GSE1: variants seen among roughly 807,000 people sequenced by gnomAD.
GSE1 encodes the protein Gse1 coiled-coil protein.
In GSE1, 32 loss-of-function variants were observed where a neutral mutation model predicts 112.6. The ratio of observed to expected loss-of-function variants is 0.28; its 90% confidence interval spans 0.21 to 0.38. GSE1 has a LOEUF of 0.38. Among genes scored for constraint, GSE1 ranks in the 10% least tolerant of loss-of-function variants. The pLI, the probability that GSE1 is intolerant of heterozygous loss-of-function variation, is 1.00. For missense variants in GSE1, 2,348 were observed against 1,699.2 expected, an observed-to-expected ratio of 1.38 and a Z score of -6.71; for synonymous variants, 1,115 against 735.6, an observed-to-expected ratio of 1.52 and a Z score of -8.35.
At chr16:85,341,612 A>G (rs914262473) in intron 1 of GSE1, among the ~76,000 whole-genome samples, 1 of 152,086 alleles carries the variant, frequency 6.6e-6, no homozygotes, top group Non-Finnish European at 1.5e-5. Context: ...AGCAGAGATC[A>G]CACCACTGCA....
rs113553489 is a variant in GSE1 at position 85,409,627 on chromosome 16, G to T, written c.2464+51984G>T. Among the ~76,000 whole-genome samples the T allele has an allele frequency of 1.2e-3, 11 of 9,450 alleles. 4 individuals are homozygous for T. Among genetic ancestry groups the T allele is most frequent in the African/African-American group, 1.6e-3 (11 of 6,716 alleles). The allele number at this position is 9,450 out of a possible 152,430, so 6.2% of individuals were successfully genotyped here. On this transcript the variant is annotated intron_variant, in intron 2 of 2. Coordinates refer to the GSE1 transcript ENST00000637419. ...AGGGCCCCCCTGGATAATCCTCACC[G>T]TTACACTCAGGGCCCCCCTGGATAA...
chr16:85,258,535 A>G (rs551917337), intron 1 of GSE1, among the ~76,000 whole-genome samples: 14 of 151,992 alleles, frequency 9.2e-5, no homozygotes, highest in African/African-American at 2.7e-4. Context: ...TGCTCCTGCC[A>G]CCCCTTCCCG....
chr16:85,589,268 G>A (rs1388650535), intron 1 of GSE1, among the ~76,000 whole-genome samples: 1 of 152,230 alleles, frequency 6.6e-6, no homozygotes, highest in Admixed American at 6.5e-5. Context: ...CTGGGGTGGG[G>A]AGGGTTTGTG....
At chr16:85,593,561 A>C (rs2047085675) in intron 1 of GSE1, 46 of 143,690 alleles carry the variant, frequency 3.2e-4, no homozygotes, top group African/African-American at 5.5e-4. Flanking sequence ...CCACGTCCTG[A>C]CCCCCTGGCC....
chr16:85,641,768 C>T (rs1022755659), intron 2 of GSE1, among the ~76,000 whole-genome samples: 1 of 152,266 alleles, frequency 6.6e-6, no homozygotes, highest in African/African-American at 2.4e-5. Flanking sequence ...GGGCAGATTT[C>T]AAGGAAAGTG....
chr16:85,385,222 C>T (rs1329497778), intron 2 of GSE1, among the ~76,000 whole-genome samples: 2 of 152,258 alleles, frequency 1.3e-5, no homozygotes, highest in Admixed American at 6.5e-5. Context: ...CAGCCTGTGG[C>T]TGCTTGTCCG....
intron 2 of GSE1, among the ~76,000 whole-genome samples, chr16:85,461,262 T>A (rs1198802963): frequency 6.6e-6 from 1 of 152,224 alleles, no homozygotes; most frequent in Non-Finnish European, 1.5e-5. Flanking sequence ...ATCCCTGGCC[T>A]CTACCCACCA....
intron 1 of GSE1, among the ~76,000 whole-genome samples, chr16:85,248,438 T>G (rs1424942512): frequency 2.6e-5 from 4 of 152,028 alleles, no homozygotes; most frequent in Non-Finnish European, 4.4e-5. Context: ...CGCATCTCTC[T>G]CTCCCTTTTT....
At chr16:85,622,836 G>A (rs879809487) in intron 1 of GSE1, among the ~76,000 whole-genome samples, 2 of 152,144 alleles carry the variant, frequency 1.3e-5, no homozygotes, top group African/African-American at 4.8e-5. Flanking sequence ...TTACCGTGTC[G>A]ATGACATCTG....
intron 1 of GSE1, among the ~76,000 whole-genome samples, chr16:85,319,530 T>C (rs1445681304): frequency 1.3e-5 from 2 of 152,182 alleles, no homozygotes; most frequent in African/African-American, 4.8e-5. Context: ...AAGGGGTCCC[T>C]GTGCTGAGCC....
chr16:85,216,495 TATA>T (rs547227967), intron 1 of GSE1, among the ~76,000 whole-genome samples: 50 of 152,334 alleles, frequency 3.3e-4, no homozygotes, highest in African/African-American at 7.7e-4. Flanking sequence ...TCATAGCTAA[TATA>T]ATATTTTTTA....
chr16:85,254,469 A>G (rs1906851195), intron 1 of GSE1, among the ~76,000 whole-genome samples: 1 of 152,142 alleles, frequency 6.6e-6, no homozygotes, highest in South Asian at 2.1e-4. Context: ...GTGACCCTTT[A>G]GCATGACCCC....
intron 13 of GSE1, among the ~76,000 whole-genome samples, chr16:85,667,261 C>G (rs2052940959): frequency 6.6e-6 from 1 of 152,230 alleles, no homozygotes; most frequent in Non-Finnish European, 1.5e-5. Flanking sequence ...TGGCCTTACA[C>G]TAAACTGTTT....
chr16:85,463,068 G>A (rs2050019127), intron 2 of GSE1: 18 of 983,012 alleles, frequency 1.8e-5, no homozygotes, highest in Non-Finnish European at 2.2e-5. Context: ...CCCGCGGCCC[G>A]GGGGGCGGCG....
chr16:85,463,219 G>A (rs2050025288), intron 2 of GSE1: 6 of 533,902 alleles, frequency 1.1e-5, no homozygotes, highest in Non-Finnish European at 1.4e-5. Flanking sequence ...CTGGAACCTG[G>A]CCCCGCACTC....
chr16:85,403,182 G>A (rs2048159330), intron 2 of GSE1, among the ~76,000 whole-genome samples: 1 of 152,172 alleles, frequency 6.6e-6, no homozygotes, highest in South Asian at 2.1e-4. Flanking sequence ...TCACCACAGG[G>A]ATCCTGTGCT....
intron 1 of GSE1, among the ~76,000 whole-genome samples, chr16:85,184,035 C>T (rs1230781032): frequency 3.3e-5 from 5 of 152,206 alleles, no homozygotes; most frequent in Non-Finnish European, 5.9e-5. Flanking sequence ...CTTCAGTCTC[C>T]TCTTGAATCC....
chr16:85,240,195 C>T (rs1321557325), intron 1 of GSE1, among the ~76,000 whole-genome samples: 1 of 152,206 alleles, frequency 6.6e-6, no homozygotes, highest in African/African-American at 2.4e-5. Flanking sequence ...GATGCTTGGC[C>T]GTTGTCACTG....
In GSE1 at chr16:85,388,284, A is replaced by AGGGG. The variant is rs2047739933; in HGVS notation, c.2464+30641_2464+30642insGGGG. Among the ~76,000 whole-genome samples, 2 of 103,976 alleles carry AGGGG rather than the reference A, an allele frequency of 1.9e-5. 1 individual carries two copies. The highest frequency in any genetic ancestry group is 3.7e-5 in the Non-Finnish European group (2 of 54,268). The allele number at this position is 103,976 out of a possible 152,430, so 68.2% of individuals were successfully genotyped here. On this transcript the variant is annotated intron_variant, in intron 2 of 2. Transcript: ENST00000637419. ...TATGGCTGGATGGATGGGTGAGTGGATGGGTGGGTGGATGGATGGATGGAT... is the reference window on the plus strand; with the variant it reads ...TATGGCTGGATGGATGGGTGAGTGGAGGGGTGGGTGGGTGGATGGATGGATGGAT...
Sources: gnomAD v4.1 joint callset for allele counts (sites outside exome capture counted in the v4.1 genomes callset) on GRCh38, gnomAD v4.1.1 for gene constraint, MANE v1.5 for transcripts, NCBI Gene and HGNC (gene_info 2026-07-23, HGNC 2026-07-21) for gene names.